Variants in PYGL observed in about 807,000 individuals in gnomAD.
PYGL encodes the protein glycogen phosphorylase, liver form.
In PYGL, 90 loss-of-function variants were observed where a neutral mutation model predicts 100.1. The observed-to-expected ratio is 0.90, with a 90% confidence interval of 0.76 to 1.07. The LOEUF (loss-of-function observed/expected upper bound fraction) is 1.07, where lower values mean the gene tolerates loss of function less well. Among genes scored for constraint, PYGL ranks in the 50% least tolerant of loss-of-function variants. PYGL has a pLI of 0.00. For missense variants in PYGL, 1,016 were observed against 1,057.6 expected (o/e 0.96, Z 0.55); for synonymous variants, 373 against 393.0 (o/e 0.95, Z 0.60).
rs1005590513 is a variant in PYGL, at chr14:50,924,063, G to T, written c.566C>A (p.Pro189His). The change falls in exon 5 of 20, where the codon CCT becomes CAT. Residue 189 changes from proline (P) to histidine (H), a missense_variant. Coordinates refer to ENST00000216392, the MANE Select transcript of PYGL (RefSeq NM_002863.5). ...EADDWLRYGN[P>H]WEKSRPEFML... is the part of the protein sequence containing the mutation. ...GAATTCTGGGCGGGACTTCTCCCAA[G>T]GGTTTCCATATCTGAGCCAATCATC... is the stretch of plus-strand genomic sequence containing the variant. 27 of 1,613,786 alleles carry T rather than the reference G, an allele frequency of 1.7e-5. No individual in the cohort carries two copies. Among genetic ancestry groups the T allele is most frequent in the Non-Finnish European group, 2.1e-5 (25 of 1,179,750 alleles).
At chr14:50,939,024 A>G (rs1229819300) in intron 1 of PYGL, among the ~76,000 whole-genome samples, 3 of 152,092 alleles carry the variant, frequency 2.0e-5, no homozygotes, top group African/African-American at 7.2e-5. Flanking sequence ...AGTTTAATTA[A>G]TTAATTAATT....
intron 19 of PYGL, among the ~76,000 whole-genome samples, chr14:50,907,148 G>A (rs1410428039): frequency 3.3e-5 from 5 of 152,084 alleles, no homozygotes; most frequent in Non-Finnish European, 5.9e-5. Context: ...TTGATAAAGC[G>A]TATAACTTTG....
intron 4 of PYGL, among the ~76,000 whole-genome samples, chr14:50,925,692 T>G (rs974539627): frequency 1.3e-5 from 2 of 152,166 alleles, no homozygotes; most frequent in African/African-American, 4.8e-5. Flanking sequence ...ATTTTGATAG[T>G]GTTGTTTATC....
intron 19 of PYGL, among the ~76,000 whole-genome samples, chr14:50,907,689 T>C (rs1022666774): frequency 2.6e-5 from 4 of 152,218 alleles, no homozygotes; most frequent in Admixed American, 2.6e-4. Flanking sequence ...ACATGTCTGC[T>C]ACAGAGTGGG....
chr14:50,917,122 T>TAGAATAAAAATGGTTCATATTG lies in PYGL; in HGVS notation c.856-39_856-18dup. 1 of 1,612,398 alleles carries TAGAATAAAAATGGTTCATATTG rather than the reference T, an allele frequency of 6.2e-7. No homozygotes were observed. Among genetic ancestry groups the TAGAATAAAAATGGTTCATATTG allele is most frequent in the Non-Finnish European group, 8.5e-7 (1 of 1,178,632 alleles). ...TTCAAAAAACTTCAAGCCAGAGAGATAGAATAAAAATGGTTCATATTGTAG... is the reference window on the plus strand; with the variant it reads ...TTCAAAAAACTTCAAGCCAGAGAGATAGAATAAAAATGGTTCATATTGAGAATAAAAATGGTTCATATTGTAG... On this transcript the variant is annotated splice_polypyrimidine_tract_variant and intron_variant, in intron 7 of 19. Coordinates refer to ENST00000216392, the MANE Select transcript of PYGL (RefSeq NM_002863.5).
At chr14:50,916,915 T>G in intron 8 of PYGL, 47 bp downstream of exon 8, 1 of 1,600,468 alleles carries the variant, frequency 6.2e-7, no homozygotes, top group African/African-American at 1.3e-5. Context: ...GAAATCCCAG[T>G]CAATCCCTCA....
chr14:50,916,895 A>C, intron 8 of PYGL, 67 bp downstream of exon 8: 2 of 1,577,820 alleles, frequency 1.3e-6, no homozygotes, highest in East Asian at 2.2e-5. Context: ...GAGAGGAATT[A>C]ATCTGATAGG....
chr14:50,916,800 C>T lies in PYGL; in HGVS notation c.1000-66G>A, dbSNP rs532517817. ...TCAGGGTCTGGCTTCTTTGTCCTAA[C>T]ACATCTGGAGAAAGCACTGATATGC... On this transcript the variant is annotated intron_variant, in intron 8 of 19. Transcript: ENST00000216392. 53 of 1,558,520 alleles carry T rather than the reference C, an allele frequency of 3.4e-5. No individual in the cohort carries two copies. In the African/African-American group the frequency reaches 6.6e-4, roughly 20 times the overall value.
intron 9 of PYGL, 71 bp from the exon 10 acceptor site, chr14:50,916,042 T>C (rs1596036990): frequency 3.1e-6 from 5 of 1,595,114 alleles, no homozygotes; most frequent in East Asian, 4.5e-5. Context: ...AAACCCTTCT[T>C]CAACCCTGCC....
rs767118677 is a variant in PYGL, at chr14:50,915,974, G to A, written c.1093-3C>T. 3.7e-6 allele frequency: 6 copies of A among 1,613,926 alleles called. No individual in the cohort carries two copies. Among genetic ancestry groups the A allele is most frequent in the African/African-American group, 1.3e-5 (1 of 75,048 alleles). On this transcript the variant is annotated splice_region_variant and splice_polypyrimidine_tract_variant and intron_variant, in intron 9 of 19. Coordinates refer to ENST00000216392, the MANE Select transcript of PYGL (RefSeq NM_002863.5). The stretch of plus-strand genomic sequence containing the variant: ...GTCTTCTGGGTGAGCTCCCATGCCT[G>A]GGGGAAAGGAAGGAGTCAGCTGCTT...
chr14:50,918,584 C>T (rs1056311953), intron 7 of PYGL, among the ~76,000 whole-genome samples: 4 of 152,088 alleles, frequency 2.6e-5, no homozygotes, highest in Non-Finnish European at 5.9e-5. Context: ...AATGGAAAAC[C>T]GAATATCGTG....
In PYGL at chr14:50,935,179, A is replaced by C. The variant is rs1305336269; in HGVS notation, c.352T>G (p.Leu118Val). ...ACDEAIYQLG[L>V]DIEELEEIEE... Reference sequence around the variant, plus strand: ...ATTTCTTCTAACTCTTCTATATCCAATCCAAGCTGGTAATGAAAGGAAAAC... The same window carrying C: ...ATTTCTTCTAACTCTTCTATATCCACTCCAAGCTGGTAATGAAAGGAAAAC... Residue 118 changes from leucine (L) to valine (V), a missense_variant, in exon 3 of 20, where the codon TTG (leucine) becomes GTG (valine). Leu to Val is a conservative substitution (Grantham distance 32). Coordinates refer to ENST00000216392, the MANE Select transcript of PYGL (RefSeq NM_002863.5). 6.2e-7 allele frequency: 1 copy of C among 1,610,474 alleles called. No homozygotes were observed. Among genetic ancestry groups the C allele is most frequent in the East Asian group, 2.2e-5 (1 of 44,870 alleles).
intron 4 of PYGL, among the ~76,000 whole-genome samples, chr14:50,929,160 C>G (rs1454071316): frequency 6.6e-6 from 1 of 152,138 alleles, no homozygotes. Context: ...AAGTGATTCT[C>G]CTGCCTCAGC....
At chr14:50,939,703 C>A (rs2050687760) in intron 1 of PYGL, among the ~76,000 whole-genome samples, 1 of 151,814 alleles carries the variant, frequency 6.6e-6, no homozygotes, top group Non-Finnish European at 1.5e-5. Context: ...TGTAAATGCA[C>A]CAATATAGTT....
At chr14:50,941,672 A>G (rs2050703205) in intron 1 of PYGL, among the ~76,000 whole-genome samples, 1 of 152,160 alleles carries the variant, frequency 6.6e-6, no homozygotes, top group Admixed American at 6.5e-5. Context: ...CCAGGTCAGG[A>G]GTTCGAGACC....
intron 19 of PYGL, among the ~76,000 whole-genome samples, chr14:50,906,132 GA>G (rs751619814): frequency 2.0e-5 from 3 of 152,130 alleles, no homozygotes; most frequent in Non-Finnish European, 4.4e-5. Context: ...AGGGTCAATT[GA>G]GTCTTTATCC....
At chr14:50,935,859 A>T (rs1164901614) in intron 2 of PYGL, among the ~76,000 whole-genome samples, 1 of 152,212 alleles carries the variant, frequency 6.6e-6, no homozygotes, top group Non-Finnish European at 1.5e-5. Flanking sequence ...CAGGCAGGGA[A>T]ACTGCAGTCC....
At chr14:50,908,459 A>T in intron 18 of PYGL, 122 bp from the exon 19 acceptor site, 1 of 946,364 alleles carries the variant, frequency 1.1e-6, no homozygotes, top group East Asian at 2.5e-5. Flanking sequence ...TACCAAATTC[A>T]TATTTCTGTT....
In PYGL at chr14:50,905,402, T is replaced by C. The variant is rs78558135; in HGVS notation, c.2534A>G (p.Asn845Ser). The C allele has an allele frequency of 3.1e-3, 5,012 of 1,612,492 alleles. 140 individuals are homozygous for C. The African/African-American group carries it at 0.057, about 18-fold the overall frequency. Residue 845 changes from asparagine to serine, a missense_variant, in exon 20 of 20, where the codon AAT becomes AGT. Asn to Ser is a conservative substitution (Grantham distance 46). Coordinates refer to ENST00000216392, the MANE Select transcript of PYGL (RefSeq NM_002863.5). ...AGACAATTCTAGAGTTCAATTTCCA[T>C]TGACTTTGTTAGATTCATTGGATAG... is the stretch of plus-strand genomic sequence containing the variant. ...ISLSNESNKV[N>S]GN is the part of the protein sequence containing the mutation.
Sources: allele counts gnomAD v4.1 joint callset (sites outside exome capture counted in the v4.1 genomes callset), GRCh38; gene constraint gnomAD v4.1.1; transcripts MANE v1.5; gene names NCBI Gene and HGNC (gene_info 2026-07-23, HGNC 2026-07-21).